PKHD1L1: variants seen among roughly 807,000 people sequenced by gnomAD.
The protein encoded by PKHD1L1 is PKHD1 like 1.
PKHD1L1 carries 434 observed loss-of-function variants against 462.9 expected under a neutral mutation model. That is an observed-to-expected ratio of 0.94 (90% CI 0.87 to 1.02). The LOEUF (loss-of-function observed/expected upper bound fraction) is 1.02. Ranked by LOEUF, PKHD1L1 falls within the 50% of genes least tolerant of loss-of-function variation. The probability of loss-of-function intolerance (pLI) is 0.00; values close to 1 mark genes in which losing one functional copy is unlikely to be tolerated. For missense variants in PKHD1L1, 5,202 were observed against 5,096.1 expected, an observed-to-expected ratio of 1.02 and a Z score of -0.63; for synonymous variants, 1,781 against 1,750.0, an observed-to-expected ratio of 1.02 and a Z score of -0.44.
chr8:109,442,799 A>T, intron 35 of PKHD1L1, 147 bp from the exon 36 acceptor site: 1 of 699,664 alleles, frequency 1.4e-6, no homozygotes, highest in South Asian at 2.5e-5. Context: ...TTTTCTTACT[A>T]CATTCTGTTG....
intron 50 of PKHD1L1, among the ~76,000 whole-genome samples, chr8:109,467,947 A>AT (rs1031784987): frequency 1.3e-5 from 2 of 152,182 alleles, no homozygotes; most frequent in East Asian, 1.9e-4. Context: ...AAGTGCACTT[A>AT]TTTTTTCTCT....
Position 109,466,715 on chromosome 8 carries a change from C to G in PKHD1L1, c.8551C>G (p.Gln2851Glu), listed in dbSNP as rs2130839825. Residue 2851 changes from glutamine to glutamate, a missense_variant, in exon 50 of 78, where the codon CAG becomes GAG. Gln to Glu is a conservative substitution (Grantham distance 29). This residue lies in a region of PKHD1L1 where 4,497 missense variants were observed against 4,336.8 expected (regional missense o/e 1.04). Coordinates refer to ENST00000378402, the MANE Select transcript of PKHD1L1 (RefSeq NM_177531.6). ...SVSFHRLAFN[Q>E]PSPVSLLEKD... Reference sequence around the variant, plus strand: ...CAGCTTTCACCGTTTAGCGTTCAACCAGCCTTCTCCAGTATCTCTGCTTGA... The same window carrying G: ...CAGCTTTCACCGTTTAGCGTTCAACGAGCCTTCTCCAGTATCTCTGCTTGA... The G allele has an allele frequency of 6.2e-7, 1 of 1,612,958 alleles. No homozygotes were observed. Among genetic ancestry groups the G allele is most frequent in the South Asian group, 1.1e-5 (1 of 90,912 alleles).
chr8:109,522,865 C>T lies in PKHD1L1; in HGVS notation c.12305C>T (p.Pro4102Leu). 6.2e-7 allele frequency: 1 copy of T among 1,609,348 alleles called. No individual in the cohort carries two copies. Among genetic ancestry groups the T allele is most frequent in the Non-Finnish European group, 8.5e-7 (1 of 1,178,296 alleles). Residue 4102 changes from proline (P) to leucine (L), a missense_variant, in exon 75 of 78, where the codon CCT becomes CTT. Around this residue, in one of 3 missense-constraint regions of PKHD1L1, gnomAD observed 698 missense variants for 736.3 expected, o/e 0.95. Coordinates refer to ENST00000378402, the MANE Select transcript of PKHD1L1 (RefSeq NM_177531.6). ...CCAGGACAGCCATTTCCTCAGCAGC[C>T]TTCGGTAAAGGCAACAGATTCTGAC... is the stretch of plus-strand genomic sequence containing the variant. ...AQPGQPFPQQ[P>L]SVKATDSDGN... is the part of the protein sequence containing the mutation.
intron 23 of PKHD1L1, among the ~76,000 whole-genome samples, chr8:109,421,186 A>C (rs1214478580): frequency 6.6e-6 from 1 of 151,784 alleles, no homozygotes; most frequent in Non-Finnish European, 1.5e-5. Context: ...ATAATGAAAA[A>C]TTTAAAATTA....
chr8:109,467,154 A>C (rs1004461924), intron 50 of PKHD1L1, among the ~76,000 whole-genome samples: 3 of 152,146 alleles, frequency 2.0e-5, no homozygotes, highest in African/African-American at 7.2e-5. Context: ...AACAGGTGCC[A>C]GGGATTGTGG....
At chr8:109,476,395 C>T in intron 51 of PKHD1L1, 113 bp from the exon 52 acceptor site, 2 of 724,708 alleles carry the variant, frequency 2.8e-6, no homozygotes, top group South Asian at 5.4e-5. Flanking sequence ...CAAACTAAAG[C>T]CAAAACTTTT....
intron 55 of PKHD1L1, chr8:109,480,810 C>A: frequency 3.7e-6 from 1 of 270,578 alleles, no homozygotes; most frequent in Non-Finnish European, 7.5e-6. Flanking sequence ...TTTAAAAGTG[C>A]ATTGTATTTT....
chr8:109,523,173 T>G, intron 75 of PKHD1L1, 60 bp from the exon 76 acceptor site: 2 of 1,449,056 alleles, frequency 1.4e-6, no homozygotes, highest in Non-Finnish European at 1.9e-6. Flanking sequence ...TTTGCATATA[T>G]TTTTAAAAGC....
Position 109,497,152 on chromosome 8 carries a change from C to G in PKHD1L1, c.10479C>G (p.Thr3493=). The G allele has an allele frequency of 6.2e-7, 1 of 1,613,436 alleles. No individual in the cohort carries two copies. The highest frequency in any genetic ancestry group is 8.5e-7 in the Non-Finnish European group (1 of 1,179,650). The change falls in exon 65 of 78, where the codon ACC becomes ACG. Residue 3493 remains threonine (T), a splice_region_variant and synonymous_variant. Coordinates refer to ENST00000378402, the MANE Select transcript of PKHD1L1 (RefSeq NM_177531.6). ...TCWDYGIYFQ[T]TESVHIYNVT... is the part of the protein sequence containing the mutation. ...GTAACCTGCAAATTCTATTGCAGAC[C>G]ACAGAGAGTGTGCACATTTATAATG...
At chr8:109,421,596 C>A (rs903959190) in intron 23 of PKHD1L1, among the ~76,000 whole-genome samples, 1 of 151,890 alleles carries the variant, frequency 6.6e-6, no homozygotes, top group Non-Finnish European at 1.5e-5. Flanking sequence ...TCCGGGCTAA[C>A]ATGGTGAAAC....
chr8:109,444,956 G>T lies in PKHD1L1; in HGVS notation c.5087G>T (p.Gly1696Val), dbSNP rs371025469. 6.2e-7 allele frequency: 1 copy of T among 1,613,992 alleles called. No individual in the cohort carries two copies. The highest frequency in any genetic ancestry group is 8.5e-7 in the Non-Finnish European group (1 of 1,179,878). The stretch of plus-strand genomic sequence containing the variant: ...TCTGCAGGTGTAAAAGTCCTTATGG[G>T]TCATTTCCCATGTAAAGTTCTATCA... ...VSSAGVKVLM[G>V]HFPCKVLSVN... is the part of the protein sequence containing the mutation. Residue 1696 changes from glycine (G) to valine (V), a missense_variant, in exon 38 of 78, where the codon GGT becomes GTT. Physicochemically the swap from Gly to Val is moderately radical, Grantham distance 109. Coordinates refer to ENST00000378402, the MANE Select transcript of PKHD1L1 (RefSeq NM_177531.6).
At chr8:109,417,341 A>G (rs888241743) in intron 21 of PKHD1L1, among the ~76,000 whole-genome samples, 11 of 151,092 alleles carry the variant, frequency 7.3e-5, no homozygotes, top group Non-Finnish European at 1.3e-4. Flanking sequence ...ATGTATCCAC[A>G]AAAAAAAACT....
rs767721098 is a variant in PKHD1L1 at position 109,464,757 on chromosome 8, T to G, written c.7925T>G (p.Val2642Gly). 6.2e-7 allele frequency: 1 copy of G among 1,613,864 alleles called. No individual in the cohort carries two copies. Among genetic ancestry groups the G allele is most frequent in the South Asian group, 1.1e-5 (1 of 91,080 alleles). ...CAAACGGGATCTTGTACATCTACAG[T>G]GCCTGCACCTGCAATATTTAACTCA... is the stretch of plus-strand genomic sequence containing the variant. ...PMQTGSCTST[V>G]PAPAIFNSLT... The change falls in exon 49 of 78, where the codon GTG becomes GGG. Residue 2642 changes from valine to glycine, a missense_variant. Physicochemically the swap from Val to Gly is moderately radical, Grantham distance 109. Around this residue, in one of 3 missense-constraint regions of PKHD1L1, gnomAD observed 4,497 missense variants for 4,336.8 expected, o/e 1.04. Transcript: ENST00000378402.
intron 2 of PKHD1L1, among the ~76,000 whole-genome samples, chr8:109,377,212 C>T (rs1811882744): frequency 6.6e-6 from 1 of 152,042 alleles, no homozygotes; most frequent in Non-Finnish European, 1.5e-5. Flanking sequence ...AAACTGCTAA[C>T]ATTGTAAGGT....
rs539511465 is a variant in PKHD1L1, at chr8:109,517,760, C to T, written c.11690-407C>T. On this transcript the variant is annotated intron_variant, in intron 72 of 77. Transcript: ENST00000378402. ...CTCTTTTAAGAGTTGGCATATAGCA[C>T]TGTATAAATTAGATAGCTAGTAAAG... 3.3e-5 allele frequency among the ~76,000 whole-genome samples: 5 copies of T among 152,186 alleles called. No homozygotes were observed. The East Asian group carries it at 5.8e-4, about 18-fold the overall frequency.
intron 46 of PKHD1L1, among the ~76,000 whole-genome samples, chr8:109,458,214 A>G (rs535922145): frequency 6.6e-6 from 1 of 152,068 alleles, no homozygotes; most frequent in Admixed American, 6.6e-5. Flanking sequence ...GTGACCTTCT[A>G]ATTATCATCA....
intron 2 of PKHD1L1, among the ~76,000 whole-genome samples, chr8:109,373,340 C>A (rs1455894718): frequency 1.3e-5 from 2 of 152,094 alleles, no homozygotes; most frequent in African/African-American, 4.8e-5. Context: ...TCTGTGGGAT[C>A]TGTGGTGATA....
intron 37 of PKHD1L1, 40 bp downstream of exon 37, chr8:109,443,942 T>C: frequency 6.8e-7 from 1 of 1,475,540 alleles, no homozygotes; most frequent in Non-Finnish European, 9.3e-7. Flanking sequence ...CTATTATATG[T>C]TCCCAATAAA....
At chr8:109,524,916 C>T (rs1024929788) in intron 76 of PKHD1L1, among the ~76,000 whole-genome samples, 1 of 151,062 alleles carries the variant, frequency 6.6e-6, no homozygotes, top group South Asian at 2.1e-4. Flanking sequence ...CCCTCTTCCT[C>T]TCTCTCTCCT....
Sources: gnomAD v4.1 joint callset for allele counts (sites outside exome capture counted in the v4.1 genomes callset) on GRCh38, gnomAD v4.1.1 for gene constraint, gnomAD v4.1.1 regional missense constraint, MANE v1.5 for transcripts, NCBI Gene and HGNC (gene_info 2026-07-23, HGNC 2026-07-21) for gene names.